The following ST13 variants were observed in gnomAD, a reference collection of about 807,000 sequenced individuals.
The protein encoded by ST13 is hsc70-interacting protein.
In ST13, 23 loss-of-function variants were observed where a neutral mutation model predicts 56.7. That is an observed-to-expected ratio of 0.41 (90% CI 0.29 to 0.57). The LOEUF is 0.57. Among genes scored for constraint, ST13 ranks in the 20% least tolerant of loss-of-function variants. The probability of loss-of-function intolerance (pLI) is 0.36; values close to 1 mark genes in which losing one functional copy is unlikely to be tolerated. For synonymous variants in ST13, 132 were observed against 142.4 expected (o/e 0.93, Z 0.52); for missense variants, 369 against 459.9 (o/e 0.80, Z 1.81).
chr22:40,833,297 C>T (rs1332416880), intron 7 of ST13, among the ~76,000 whole-genome samples: 6 of 152,150 alleles, frequency 3.9e-5, no homozygotes, highest in Non-Finnish European at 8.8e-5. Flanking sequence ...TGGCTGGGCG[C>T]GGTGGCTCAC....
At position 40,840,549 on chromosome 22, in the gene ST13, C is replaced by T. The variant is rs902831136; in HGVS notation, c.382+77G>A. The T allele has an allele frequency of 1.5e-4, 197 of 1,309,826 alleles. No homozygotes were observed. The African/African-American group carries it at 2.3e-3, about 15-fold the overall frequency. The allele number at this position is 1,309,826 out of a possible 1,614,324, so 81.1% of individuals were successfully genotyped here. On this transcript the variant is annotated intron_variant, in intron 5 of 11. Coordinates refer to ENST00000216218, the MANE Select transcript of ST13 (RefSeq NM_003932.5). ...TATAGGACAGGTACATGTAACTTCTCTTCTACTTTACCACTATTTAAGTTA... is the reference window on the plus strand; with the variant it reads ...TATAGGACAGGTACATGTAACTTCTTTTCTACTTTACCACTATTTAAGTTA...
intron 3 of ST13, among the ~76,000 whole-genome samples, chr22:40,845,862 C>T (rs1321545945): frequency 6.6e-6 from 1 of 151,940 alleles, no homozygotes; most frequent in Non-Finnish European, 1.5e-5. Context: ...CCAGCAACAA[C>T]AAAACTTGAC....
intron 10 of ST13, 83 bp downstream of exon 10, chr22:40,829,543 C>G (rs1451321211): frequency 3.2e-6 from 2 of 631,308 alleles, no homozygotes; most frequent in Admixed American, 8.3e-5. Context: ...ATCAGAATAT[C>G]ACTTTATAAT....
At chr22:40,843,948 T>C (rs546427253) in intron 4 of ST13, among the ~76,000 whole-genome samples, 1 of 151,614 alleles carries the variant, frequency 6.6e-6, no homozygotes. Flanking sequence ...AGGGGTGCGA[T>C]CTCACCTCAC....
intron 7 of ST13, among the ~76,000 whole-genome samples, chr22:40,833,525 A>G (rs2057763531): frequency 6.8e-6 from 1 of 147,638 alleles, no homozygotes. Context: ...AGATCGCGCC[A>G]CTGCACTCTA....
intron 4 of ST13, among the ~76,000 whole-genome samples, chr22:40,843,105 G>C (rs1018325187): frequency 6.6e-6 from 1 of 152,180 alleles, no homozygotes; most frequent in Admixed American, 6.5e-5. Context: ...GGATGGAAGA[G>C]TGAGACACTG....
intron 8 of ST13, 62 bp from the exon 9 acceptor site, chr22:40,831,018 T>C: frequency 1.9e-6 from 2 of 1,046,600 alleles, no homozygotes; most frequent in Non-Finnish European, 1.5e-6. Context: ...TCAACACAAA[T>C]ATTCTTTGTA....
In ST13 at chr22:40,850,436, A is replaced by G. The variant is rs78746388; in HGVS notation, c.168+387T>C. Among the ~76,000 whole-genome samples the G allele has an allele frequency of 8.5e-3, 1,290 of 152,320 alleles. 19 individuals carry two copies. Among genetic ancestry groups the G allele is most frequent in the African/African-American group, 0.03 (1,251 of 41,570 alleles). ...AATATCACTCAGGTAGTAGAGCAAA[A>G]AAATTAAATTACTGACCTGGGATAC... On this transcript the variant is annotated intron_variant, in intron 2 of 11. Coordinates refer to ENST00000216218, the MANE Select transcript of ST13 (RefSeq NM_003932.5).
chr22:40,827,352 C>A, intron 10 of ST13, 123 bp from the exon 11 acceptor site: 2 of 917,142 alleles, frequency 2.2e-6, no homozygotes, highest in South Asian at 1.6e-5. Context: ...TCTGAAGAGT[C>A]TGAAAATTCT....
At chr22:40,853,902 A>T (rs1468133737) in intron 1 of ST13, among the ~76,000 whole-genome samples, 1 of 152,230 alleles carries the variant, frequency 6.6e-6, no homozygotes, top group Non-Finnish European at 1.5e-5. Flanking sequence ...TTCTGTCTCT[A>T]AAAAGGGAAA....
Position 40,832,562 on chromosome 22 carries a change from G to A in ST13, c.681+7C>T, listed in dbSNP as rs770162164. 36 of 1,602,488 alleles carry A rather than the reference G, an allele frequency of 2.2e-5. No individual in the cohort carries two copies. Among genetic ancestry groups the A allele is most frequent in the Non-Finnish European group, 2.9e-5 (34 of 1,173,180 alleles). On this transcript the variant is annotated splice_region_variant and intron_variant, in intron 8 of 11. Transcript: ENST00000216218. ...TAATGACTTTCCCTTTCTCTACTTT[G>A]ACATACCCTAGGTTGAACTTCTTTC...
chr22:40,835,720 G>C (rs1358451937), intron 6 of ST13, 50 bp from the exon 7 acceptor site: 4 of 1,598,028 alleles, frequency 2.5e-6, no homozygotes, highest in African/African-American at 1.3e-5. Flanking sequence ...TAAAAGTTTT[G>C]GGATCAACAC....
At chr22:40,849,717 G>A (rs1039083717) in intron 2 of ST13, among the ~76,000 whole-genome samples, 1 of 151,944 alleles carries the variant, frequency 6.6e-6, no homozygotes, top group Non-Finnish European at 1.5e-5. Context: ...CTAGGGCTCA[G>A]AAAATACCAC....
chr22:40,832,361 A>G, intron 8 of ST13: 1 of 555,974 alleles, frequency 1.8e-6, no homozygotes, highest in Non-Finnish European at 3.3e-6. Flanking sequence ...AAAGTAACAG[A>G]GTTTGCTCTA....
intron 5 of ST13, among the ~76,000 whole-genome samples, chr22:40,839,776 A>C (rs2057794233): frequency 6.6e-6 from 1 of 152,070 alleles, no homozygotes; most frequent in African/African-American, 2.4e-5. Flanking sequence ...ATAAAAAATA[A>C]AATAAAATAC....
At chr22:40,842,826 A>C (rs576814679) in intron 4 of ST13, among the ~76,000 whole-genome samples, 1 of 152,386 alleles carries the variant, frequency 6.6e-6, no homozygotes, top group African/African-American at 2.4e-5. Flanking sequence ...AAATGGTGAC[A>C]GAAAGTACTT....
intron 5 of ST13, among the ~76,000 whole-genome samples, chr22:40,837,524 T>C (rs998138114): frequency 6.6e-6 from 1 of 152,188 alleles, no homozygotes; most frequent in Non-Finnish European, 1.5e-5. Flanking sequence ...CGCATGCCTG[T>C]AATCCCAGCT....
chr22:40,835,593 G>A lies in ST13; in HGVS notation c.545C>T (p.Ala182Val). The A allele has an allele frequency of 6.2e-7, 1 of 1,612,902 alleles. No homozygotes were observed. The change falls in exon 7 of 12, where the codon GCT becomes GTT. Residue 182 changes from alanine to valine, a missense_variant. Physicochemically the swap from Ala to Val is moderately conservative, Grantham distance 64. Transcript: ENST00000216218. ...TTTCCCCCGCCACTTGTAAGGCTGA[G>A]CTGAATCAGGATTTATTTCAATGGC... ...DRAIEINPDS[A>V]QPYKWRGKAH...
intron 9 of ST13, among the ~76,000 whole-genome samples, chr22:40,829,911 A>C (rs928144647): frequency 4.6e-5 from 7 of 152,246 alleles, no homozygotes; most frequent in African/African-American, 1.7e-4. Flanking sequence ...GAAACAAGTA[A>C]ACCTGGAAAA....
Sources: allele counts gnomAD v4.1 joint callset (sites outside exome capture counted in the v4.1 genomes callset), GRCh38; gene constraint gnomAD v4.1.1; transcripts MANE v1.5; gene names NCBI Gene and HGNC (gene_info 2026-07-23, HGNC 2026-07-21).